The following PDSS2 variants were observed in gnomAD, a reference collection of about 807,000 sequenced individuals.
PDSS2 encodes the protein decaprenyl diphosphate synthase subunit 2, also known as all trans-polyprenyl-diphosphate synthase PDSS2.
A neutral mutation model predicts 44.5 loss-of-function variants in PDSS2; 31 were observed. The ratio of observed to expected loss-of-function variants is 0.70; its 90% CI spans 0.52 to 0.94. The LOEUF is 0.94. Among genes scored for constraint, PDSS2 ranks in the 40% least tolerant of loss-of-function variants. The probability of loss-of-function intolerance (pLI) is 0.00; values close to 1 mark genes in which losing one functional copy is unlikely to be tolerated. For missense variants in PDSS2, 452 were observed against 482.2 expected (o/e 0.94, Z 0.59); for synonymous variants, 157 against 180.3 (o/e 0.87, Z 1.03).
intron 1 of PDSS2, among the ~76,000 whole-genome samples, chr6:107,372,706 C>A (rs1779165546): frequency 6.6e-6 from 1 of 152,128 alleles, no homozygotes; most frequent in Non-Finnish European, 1.5e-5. Context: ...CCCGCCTCGG[C>A]CTCCCAAAGT....
intron 4 of PDSS2, among the ~76,000 whole-genome samples, chr6:107,219,453 A>C (rs748660650): frequency 1.3e-5 from 2 of 151,922 alleles, no homozygotes; most frequent in Admixed American, 1.3e-4. Context: ...ACACCCGGCT[A>C]ATTTTTGTAT....
rs76837808 is a variant in PDSS2 at position 107,283,368 on chromosome 6, G to A, written c.432-9141C>T. Among the ~76,000 whole-genome samples the A allele has an allele frequency of 3.5e-3, 532 of 151,768 alleles. 7 individuals are homozygous for A. The highest frequency in any genetic ancestry group is 0.012 in the African/African-American group (498 of 41,402). ...AAAAAGAAAAAAACCCACCAGAATC[G>A]TTCCTTATAATAACCTGAAATCTCT... is the stretch of plus-strand genomic sequence containing the variant. On this transcript the variant is annotated intron_variant, in intron 2 of 7. Coordinates refer to ENST00000369037, the MANE Select transcript of PDSS2 (RefSeq NM_020381.4).
chr6:107,383,835 T>C (rs1779526312), intron 1 of PDSS2, among the ~76,000 whole-genome samples: 1 of 152,192 alleles, frequency 6.6e-6, no homozygotes. Context: ...ATTAATGGGA[T>C]TTTAAAATCA....
At chr6:107,288,180 C>A (rs1776218207) in intron 2 of PDSS2, among the ~76,000 whole-genome samples, 1 of 152,144 alleles carries the variant, frequency 6.6e-6, no homozygotes, top group Non-Finnish European at 1.5e-5. Flanking sequence ...GTGTACATTA[C>A]ATAGTTTGGT....
chr6:107,282,314 C>A (rs995003379), intron 2 of PDSS2, among the ~76,000 whole-genome samples: 2 of 152,172 alleles, frequency 1.3e-5, no homozygotes, highest in Non-Finnish European at 2.9e-5. Context: ...TTGGAAGTGA[C>A]CCCAGAGGTC....
At chr6:107,384,241 T>C (rs890240191) in intron 1 of PDSS2, among the ~76,000 whole-genome samples, 32 of 152,142 alleles carry the variant, frequency 2.1e-4, no homozygotes, top group African/African-American at 7.5e-4. Flanking sequence ...AGTGGGTAAA[T>C]AGGTGGTGAT....
At chr6:107,353,335 C>T (rs1778490526) in intron 1 of PDSS2, among the ~76,000 whole-genome samples, 1 of 152,118 alleles carries the variant, frequency 6.6e-6, no homozygotes, top group African/African-American at 2.4e-5. Context: ...CTTCTTTCTT[C>T]CCTAGGCAAC....
intron 6 of PDSS2, 83 bp from the exon 7 acceptor site, chr6:107,193,937 A>T: frequency 1.2e-6 from 1 of 846,678 alleles, no homozygotes; most frequent in Non-Finnish European, 2.1e-6. Context: ...AAAGAATAGA[A>T]CTCAGCTTCT....
chr6:107,310,785 ATCTG>A (rs956192005), intron 2 of PDSS2, among the ~76,000 whole-genome samples: 1 of 152,154 alleles, frequency 6.6e-6, no homozygotes, highest in Non-Finnish European at 1.5e-5. Context: ...TTCCCTGTTA[ATCTG>A]TCTATTGTCA....
At chr6:107,409,490 T>C (rs1194849711) in intron 1 of PDSS2, among the ~76,000 whole-genome samples, 4 of 152,146 alleles carry the variant, frequency 2.6e-5, no homozygotes. Context: ...TCAAGAATAG[T>C]ACAGGAGTGA....
intron 4 of PDSS2, among the ~76,000 whole-genome samples, chr6:107,233,825 T>C (rs187170364): frequency 3.0e-3 from 460 of 150,924 alleles, no homozygotes; most frequent in Non-Finnish European, 4.4e-3. Flanking sequence ...AATTAATAAA[T>C]ATAAATGTAA....
At chr6:107,212,562 A>C (rs1486663958) in intron 4 of PDSS2, among the ~76,000 whole-genome samples, 1 of 152,218 alleles carries the variant, frequency 6.6e-6, no homozygotes, top group East Asian at 1.9e-4. Context: ...AGGATAAGGG[A>C]AAAAGTAGAA....
intron 7 of PDSS2, among the ~76,000 whole-genome samples, chr6:107,175,500 C>T (rs1446732616): frequency 1.3e-5 from 2 of 152,076 alleles, no homozygotes; most frequent in Non-Finnish European, 2.9e-5. Flanking sequence ...ATACCTATAT[C>T]GCTAATGTCC....
intron 1 of PDSS2, among the ~76,000 whole-genome samples, chr6:107,432,695 T>C (rs1173551099): frequency 2.0e-5 from 3 of 151,996 alleles, no homozygotes; most frequent in African/African-American, 7.3e-5. Flanking sequence ...GAGGTGGAGG[T>C]TGCAGTGAGC....
chr6:107,337,414 C>T (rs1045295788), intron 1 of PDSS2, among the ~76,000 whole-genome samples: 6 of 152,182 alleles, frequency 3.9e-5, no homozygotes, highest in Admixed American at 6.5e-5. Context: ...CCATTTGCTA[C>T]ATCAAATTAG....
At chr6:107,331,523 G>A (rs2115230209) in intron 2 of PDSS2, among the ~76,000 whole-genome samples, 1 of 152,286 alleles carries the variant, frequency 6.6e-6, no homozygotes, top group Admixed American at 6.5e-5. Flanking sequence ...AACATGTTAT[G>A]TGAAGGACCA....
At chr6:107,191,096 T>A (rs186672179) in intron 7 of PDSS2, among the ~76,000 whole-genome samples, 20 of 152,286 alleles carry the variant, frequency 1.3e-4, no homozygotes, top group Admixed American at 1.1e-3. Flanking sequence ...TTTCACCGTG[T>A]TAGCCAGGAT....
At chr6:107,345,335 T>C (rs1306217784) in intron 1 of PDSS2, among the ~76,000 whole-genome samples, 1 of 148,160 alleles carries the variant, frequency 6.7e-6, no homozygotes, top group Non-Finnish European at 1.5e-5. Context: ...ACTCATCTAG[T>C]ATGTAGGCCT....
intron 6 of PDSS2, among the ~76,000 whole-genome samples, chr6:107,200,110 C>T (rs1261410722): frequency 6.6e-6 from 1 of 152,112 alleles, no homozygotes; most frequent in African/African-American, 2.4e-5. Context: ...TGGAAGTTAA[C>T]AGATCTCCAG....
Sources: allele counts gnomAD v4.1 joint callset (sites outside exome capture counted in the v4.1 genomes callset), GRCh38; gene constraint gnomAD v4.1.1; transcripts MANE v1.5; gene names NCBI Gene and HGNC (gene_info 2026-07-23, HGNC 2026-07-21).